Variants in UBE2J2 observed in about 807,000 individuals in gnomAD.
The protein encoded by UBE2J2 is ubiquitin conjugating enzyme E2 J2, also known as ubiquitin-conjugating enzyme E2 J2.
A neutral mutation model predicts 28.6 loss-of-function variants in UBE2J2; 5 were observed. That is an observed-to-expected ratio of 0.17 (90% CI 0.09 to 0.37). The LOEUF (loss-of-function observed/expected upper bound fraction) is 0.37, where lower values mean the gene tolerates loss of function less well. Among genes scored for constraint, UBE2J2 ranks in the 10% least tolerant of loss-of-function variants. The probability of loss-of-function intolerance (pLI) is 1.00; values close to 1 mark genes in which losing one functional copy is unlikely to be tolerated. For synonymous variants in UBE2J2, 138 were observed against 139.7 expected (o/e 0.99, Z 0.09); for missense variants, 226 against 338.9 (o/e 0.67, Z 2.62).
At chr1:1,257,870 T>C (rs1449783522) in intron 3 of UBE2J2, among the ~76,000 whole-genome samples, 1 of 151,894 alleles carries the variant, frequency 6.6e-6, no homozygotes, top group African/African-American at 2.4e-5. Context: ...TTCTGCCAAA[T>C]GCCCCCTGCC....
chr1:1,260,219 C>A (rs1022848027), intron 3 of UBE2J2, among the ~76,000 whole-genome samples: 3 of 152,194 alleles, frequency 2.0e-5, no homozygotes, highest in Admixed American at 2.0e-4. Context: ...AGGCGAAGCC[C>A]AGGAATGACA....
Position 1,254,804 on chromosome 1 carries a change from G to A in UBE2J2, c.*399C>T, listed in dbSNP as rs1639080417. 6.1e-6 allele frequency: 1 copy of A among 164,166 alleles called. No homozygotes were observed. The highest frequency in any genetic ancestry group is 1.9e-4 in the South Asian group (1 of 5,378). 10.2% of individuals were successfully genotyped at this position (164,166 alleles called of 1,614,324 possible). ...GGGCCCCGAGGTTCCCACCCGCTGA[G>A]GAGCCGGGAGCTCCGAGAAACGCGC... On this transcript the variant is annotated 3_prime_UTR_variant, in exon 7 of 7. Coordinates refer to ENST00000349431, the MANE Select transcript of UBE2J2 (RefSeq NM_058167.3).
At chr1:1,266,046 A>T (rs1164057176) in intron 2 of UBE2J2, 1 of 1,302,630 alleles carries the variant, frequency 7.7e-7, no homozygotes, top group African/African-American at 1.5e-5. Context: ...CACAATGAAG[A>T]CGTCCTCGCA....
intron 5 of UBE2J2, among the ~76,000 whole-genome samples, chr1:1,256,600 C>T (rs535030073): frequency 2.6e-5 from 4 of 152,216 alleles, no homozygotes; most frequent in East Asian, 3.9e-4. Context: ...AAGGCAGCTG[C>T]GGCCGGGCGC....
intron 2 of UBE2J2, 64 bp downstream of exon 2, chr1:1,267,798 G>T (rs2101089220): frequency 1.3e-6 from 2 of 1,592,604 alleles, no homozygotes; most frequent in East Asian, 2.3e-5. Context: ...GCCCAGCAGG[G>T]GCCGGCAGAG....
intron 5 of UBE2J2, chr1:1,256,411 C>G (rs1639176092): frequency 5.8e-6 from 2 of 342,708 alleles, no homozygotes; most frequent in East Asian, 1.4e-4. Context: ...GCAACTGGTA[C>G]CGCCTTGGCC....
At position 1,267,623 on chromosome 1, in the gene UBE2J2, G is replaced by A. The variant is rs976340586; in HGVS notation, c.131+239C>T. On this transcript the variant is annotated intron_variant, in intron 2 of 6. Transcript: ENST00000349431. ...CCCCCCTCAAGGGCCCCACACCGGA[G>A]ATTCTCTCCAGCCCCAGCCTGAGTC... 10 of 1,093,886 alleles carry A rather than the reference G, an allele frequency of 9.1e-6. No homozygotes were observed. In the African/African-American group the frequency reaches 1.4e-4, roughly 16 times the overall value. 67.8% of individuals were successfully genotyped at this position (1,093,886 alleles called of 1,614,324 possible).
intron 2 of UBE2J2, chr1:1,264,753 C>G (rs1639750525): frequency 6.6e-6 from 1 of 152,220 alleles, no homozygotes; most frequent in Non-Finnish European, 1.5e-5. Flanking sequence ...ATTAAAAATA[C>G]AAAAATTAGC....
At chr1:1,260,634 G>C (rs1639501862) in intron 3 of UBE2J2, among the ~76,000 whole-genome samples, 1 of 152,200 alleles carries the variant, frequency 6.6e-6, no homozygotes, top group East Asian at 1.9e-4. Flanking sequence ...GTCCTGAAGT[G>C]GGTCCCTGGC....
chr1:1,256,396 T>C (rs1639175552), intron 5 of UBE2J2: 2 of 390,286 alleles, frequency 5.1e-6, no homozygotes, highest in Non-Finnish European at 4.7e-6. Flanking sequence ...GCCCGGGCCG[T>C]CTGTGCAACT....
In UBE2J2 at chr1:1,257,139, CG is replaced by C; in HGVS notation, c.276-10del. 1 of 1,609,152 alleles carries C rather than the reference CG, an allele frequency of 6.2e-7. No homozygotes were observed. Among genetic ancestry groups the C allele is most frequent in the Non-Finnish European group, 8.5e-7 (1 of 1,177,228 alleles). On this transcript the variant is annotated splice_polypyrimidine_tract_variant and intron_variant, in intron 4 of 6. Coordinates refer to ENST00000349431, the MANE Select transcript of UBE2J2 (RefSeq NM_058167.3). The stretch of plus-strand genomic sequence containing the variant: ...TGATAGAAAGACACAGCCTGCAAAA[CG>C]GGGGCCCCGTCAGTGCACACTCCCC...
rs962158494 is a variant in UBE2J2, at chr1:1,263,148, G to A, written c.172+198C>T. ...CACAGACGCTACAGGCGGCCCTGCA[G>A]GCTGAGACACATCAGCAGAGCAAAC... On this transcript the variant is annotated intron_variant, in intron 3 of 6. Transcript: ENST00000349431. 33 of 581,998 alleles carry A rather than the reference G, an allele frequency of 5.7e-5. 1 individual carries two copies. The African/African-American group carries it at 7.8e-4, about 14-fold the overall frequency. 36.1% of individuals were successfully genotyped at this position (581,998 alleles called of 1,614,324 possible).
At position 1,257,407 on chromosome 1, in the gene UBE2J2, C is replaced by CT. The variant is rs1475341639; in HGVS notation, c.173-98_173-97insA. ...CCCCCCACGCCACCCCCCCCCCCCC[C>CT]CTCAGCTCGGCTCCCGAGTCCTCAT... On this transcript the variant is annotated intron_variant, in intron 3 of 6. Coordinates refer to ENST00000349431, the MANE Select transcript of UBE2J2 (RefSeq NM_058167.3). 1.2e-4 allele frequency: 66 copies of CT among 554,652 alleles called. 1 individual carries two copies. The African/African-American group carries it at 3.1e-3, about 26-fold the overall frequency. 34.4% of individuals were successfully genotyped at this position (554,652 alleles called of 1,614,324 possible). A position where few individuals can be genotyped will look rare whatever the true frequency, so the allele number is the denominator to read the frequency against.
intron 2 of UBE2J2, 86 bp downstream of exon 2, chr1:1,267,776 G>A (rs1472280465): frequency 1.9e-6 from 3 of 1,576,660 alleles, no homozygotes; most frequent in Non-Finnish European, 2.6e-6. Context: ...CCATGACTGG[G>A]GCACCAGGCT....
At chr1:1,263,606 T>C (rs1020946683) in intron 2 of UBE2J2, 3 of 493,620 alleles carry the variant, frequency 6.1e-6, no homozygotes, top group African/African-American at 5.8e-5. Context: ...TTAGAGACTA[T>C]ACTTTATAAG....
intron 2 of UBE2J2, among the ~76,000 whole-genome samples, chr1:1,265,564 CGTGTGTGT>C (rs112951404): frequency 1.5e-3 from 215 of 143,324 alleles, no homozygotes; most frequent in African/African-American, 3.9e-3. Context: ...AGTTTTCTCT[CGTGTGTGT>C]GTGTGTGTGT....
intron 2 of UBE2J2, 124 bp downstream of exon 2, chr1:1,267,738 G>C: frequency 6.5e-7 from 1 of 1,537,014 alleles, no homozygotes; most frequent in Non-Finnish European, 8.8e-7. Flanking sequence ...CTCACCCCGG[G>C]GGAGGGTGCA....
chr1:1,267,415 A>G (rs945253035), intron 2 of UBE2J2, among the ~76,000 whole-genome samples: 1 of 152,198 alleles, frequency 6.6e-6, no homozygotes, highest in African/African-American at 2.4e-5. Context: ...AAATACTCCA[A>G]GCCAAAACAG....
At chr1:1,270,914 C>T (rs1640113629) in intron 1 of UBE2J2, among the ~76,000 whole-genome samples, 1 of 152,188 alleles carries the variant, frequency 6.6e-6, no homozygotes, top group Non-Finnish European at 1.5e-5. Flanking sequence ...AGGTCCCACT[C>T]CAAAGTCCTG....
Sources: allele counts gnomAD v4.1 joint callset (sites outside exome capture counted in the v4.1 genomes callset), GRCh38; gene constraint gnomAD v4.1.1; transcripts MANE v1.5; gene names NCBI Gene and HGNC (gene_info 2026-07-23, HGNC 2026-07-21).